The following ANKFY1 variants were observed in gnomAD, a reference collection of about 807,000 sequenced individuals.
The protein encoded by ANKFY1 is ankyrin repeat and FYVE domain containing 1, also known as ankyrin repeat and FYVE domain-containing protein 1.
Under a neutral mutation model 128.3 loss-of-function variants are expected in ANKFY1, and 47 were observed. The observed-to-expected ratio is 0.37, with a 90% CI of 0.29 to 0.47. The LOEUF is 0.47. ANKFY1 is among the 20% of genes least tolerant of loss of function. ANKFY1 has a pLI of 1.00. For synonymous variants in ANKFY1, 553 were observed against 601.6 expected (o/e 0.92, Z 1.18); for missense variants, 1,222 against 1,510.6 (o/e 0.81, Z 3.17).
chr17:4,245,820 G>T (rs146961646), intron 1 of ANKFY1, among the ~76,000 whole-genome samples: 1 of 151,308 alleles, frequency 6.6e-6, no homozygotes, highest in Non-Finnish European at 1.5e-5. Context: ...AGGCTGAGGC[G>T]GGCAGATCAT....
At position 4,163,888 on chromosome 17, in the gene ANKFY1, A is replaced by G. The variant is rs2059167362; in HGVS notation, c.*3891T>C. 2 of 152,658 alleles carry G rather than the reference A, an allele frequency of 1.3e-5. No individual in the cohort carries two copies. The highest frequency in any genetic ancestry group is 4.1e-4 in the South Asian group (2 of 4,832). The allele number at this position is 152,658 out of a possible 1,614,324, so 9.5% of individuals were successfully genotyped here. A position where few individuals can be genotyped will look rare whatever the true frequency, so the allele number is the denominator to read the frequency against. ...TAGAAGTAACTACAAATGTCTTATT[A>G]AAGTTTCCACTTTAAATGCACAATT... is the stretch of plus-strand genomic sequence containing the variant. On this transcript the variant is annotated 3_prime_UTR_variant, in exon 25 of 25. Transcript: ENST00000341657.
chr17:4,206,662 G>C (rs1259442396), intron 6 of ANKFY1, among the ~76,000 whole-genome samples, 176 bp from the exon 7 acceptor site: 1 of 152,138 alleles, frequency 6.6e-6, no homozygotes, highest in African/African-American at 2.4e-5. Context: ...GGCTTCCTCA[G>C]GGTACATGTT....
At position 4,202,350 on chromosome 17, in the gene ANKFY1, G is replaced by A. The variant is rs182405105; in HGVS notation, c.898+3971C>T. ...CGGGAGGCGGAGGTTGCAGTGAGCC[G>A]AGATTGCAGCACTGCACTGCAGCCT... On this transcript the variant is annotated intron_variant, in intron 7 of 24. Coordinates refer to ENST00000341657, the MANE Select transcript of ANKFY1 (RefSeq NM_001330063.2). Among the ~76,000 whole-genome samples, 276 of 146,110 alleles carry A rather than the reference G, an allele frequency of 1.9e-3. 3 individuals are homozygous for A. Among genetic ancestry groups the A allele is most frequent in the Non-Finnish European group, 1.3e-3 (85 of 67,086 alleles).
At chr17:4,223,346 C>T (rs1321758328) in intron 3 of ANKFY1, 1 of 1,569,350 alleles carries the variant, frequency 6.4e-7, no homozygotes, top group South Asian at 1.1e-5. Flanking sequence ...TCAACAAGAC[C>T]TGGTACACAT....
chr17:4,231,835 G>A (rs997066411), intron 3 of ANKFY1, among the ~76,000 whole-genome samples: 11 of 151,898 alleles, frequency 7.2e-5, no homozygotes, highest in African/African-American at 2.4e-4. Flanking sequence ...TACTCAGGAG[G>A]CTGAGGTGGG....
At position 4,231,972 on chromosome 17, in the gene ANKFY1, A is replaced by C. The variant is rs537959888; in HGVS notation, c.322+3800T>G. Among the ~76,000 whole-genome samples the C allele has an allele frequency of 5.0e-4, 76 of 152,162 alleles. 1 individual carries two copies. The highest frequency in any genetic ancestry group is 1.6e-3 in the African/African-American group (68 of 41,544). ...AAAAAGAAAGAAAGAAATATCAATT[A>C]GACAAGAACATCAAAAAGAAAAATG... On this transcript the variant is annotated intron_variant, in intron 3 of 24. Coordinates refer to ENST00000341657, the MANE Select transcript of ANKFY1 (RefSeq NM_001330063.2).
chr17:4,167,877 A>G lies in ANKFY1; in HGVS notation c.3412T>C (p.Ser1138Pro). Residue 1138 changes from serine (S) to proline (P), a missense_variant, in exon 25 of 25, where the codon TCG becomes CCG. Physicochemically the swap from Ser to Pro is moderately conservative, Grantham distance 74 (BLOSUM62 -1). Coordinates refer to ENST00000341657, the MANE Select transcript of ANKFY1 (RefSeq NM_001330063.2). The surrounding 1 kb of genome is among the most constrained non-coding windows in gnomAD (Gnocchi z 4.1). ...HCGRLLCHKC[S>P]TKEIPIIKFD... ...TTTATAATAGGAATCTCCTTGGTCGAGCATTTATGGCAAAGAAGACGTCCG... is the reference window on the plus strand; with the variant it reads ...TTTATAATAGGAATCTCCTTGGTCGGGCATTTATGGCAAAGAAGACGTCCG... 1 of 1,614,092 alleles carries G rather than the reference A, an allele frequency of 6.2e-7. No individual in the cohort carries two copies. The highest frequency in any genetic ancestry group is 8.5e-7 in the Non-Finnish European group (1 of 1,179,972).
intron 3 of ANKFY1, among the ~76,000 whole-genome samples, chr17:4,224,446 T>C (rs570469986): frequency 6.6e-6 from 1 of 152,014 alleles, no homozygotes; most frequent in African/African-American, 2.4e-5. Flanking sequence ...ATGGTGAAGT[T>C]TTTTTAATGT....
At chr17:4,216,225 C>G (rs2060218844) in intron 4 of ANKFY1, among the ~76,000 whole-genome samples, 2 of 152,150 alleles carry the variant, frequency 1.3e-5, no homozygotes, top group Admixed American at 1.3e-4. Context: ...TGGAGTGCCT[C>G]CTGATGACTG....
At chr17:4,222,439 T>C (rs929845517) in intron 3 of ANKFY1, 1 of 804,440 alleles carries the variant, frequency 1.2e-6, no homozygotes, top group Non-Finnish European at 2.3e-6. Context: ...CAAGGTTGAA[T>C]GTAAGCTGGG....
chr17:4,256,877 A>G (rs776877664), intron 1 of ANKFY1, among the ~76,000 whole-genome samples: 10 of 152,148 alleles, frequency 6.6e-5, no homozygotes, highest in Non-Finnish European at 1.2e-4. Context: ...TGACTTACAC[A>G]TCTTTCAAAA....
At chr17:4,179,528 C>T in intron 17 of ANKFY1, 193 bp downstream of exon 17, 1 of 681,920 alleles carries the variant, frequency 1.5e-6, no homozygotes, top group Non-Finnish European at 2.4e-6. Context: ...AACAAATCTT[C>T]CTCCTGTTGT....
rs1389152978 is a variant in ANKFY1, at chr17:4,188,082, A to G, written c.1470+1300T>C. ...AGAGACAGAGACACACGATGGCAAGAGCAGAGGCATGGAGAAGGTGAGAGG... is the reference window on the plus strand; with the variant it reads ...AGAGACAGAGACACACGATGGCAAGGGCAGAGGCATGGAGAAGGTGAGAGG... On this transcript the variant is annotated intron_variant, in intron 11 of 24. Coordinates refer to ENST00000341657, the MANE Select transcript of ANKFY1 (RefSeq NM_001330063.2). 2.0e-5 allele frequency: 3 copies of G among 152,588 alleles called. No homozygotes were observed. The East Asian group carries it at 5.8e-4, about 29-fold the overall frequency. 9.5% of individuals were successfully genotyped at this position (152,588 alleles called of 1,614,324 possible).
chr17:4,185,126 C>T, intron 11 of ANKFY1, 80 bp from the exon 12 acceptor site: 1 of 1,313,322 alleles, frequency 7.6e-7, no homozygotes, highest in South Asian at 1.3e-5. Flanking sequence ...AAGTGCAAAA[C>T]CTCGGGTCCT....
At chr17:4,190,017 G>A (rs1567926162) in intron 10 of ANKFY1, among the ~76,000 whole-genome samples, 2 of 152,180 alleles carry the variant, frequency 1.3e-5, no homozygotes. Flanking sequence ...GCTGAGGGTG[G>A]GTTAGAGCAA....
At chr17:4,230,166 T>C (rs2060491285) in intron 3 of ANKFY1, among the ~76,000 whole-genome samples, 1 of 152,146 alleles carries the variant, frequency 6.6e-6, no homozygotes, top group South Asian at 2.1e-4. Context: ...AGTACACAGT[T>C]TGGGAAACTA....
intron 1 of ANKFY1, among the ~76,000 whole-genome samples, chr17:4,256,797 T>G (rs1968155594): frequency 6.6e-6 from 1 of 152,186 alleles, no homozygotes; most frequent in South Asian, 2.1e-4. Flanking sequence ...GCACCTACCG[T>G]GAAATACGTT....
chr17:4,193,820 C>T lies in ANKFY1; in HGVS notation c.1372+1158G>A, dbSNP rs1022174813. Among the ~76,000 whole-genome samples the T allele has an allele frequency of 5.3e-5, 8 of 151,316 alleles. No homozygotes were observed. The South Asian group carries it at 8.4e-4, about 16-fold the overall frequency. On this transcript the variant is annotated intron_variant, in intron 10 of 24. Coordinates refer to ENST00000341657, the MANE Select transcript of ANKFY1 (RefSeq NM_001330063.2). ...TGTTGCCCAGGCTGGAGTGCAGTGA[C>T]GCGATCTTGGCTCACTGCAACCTCT... is the stretch of plus-strand genomic sequence containing the variant.
chr17:4,165,792 C>T lies in ANKFY1; in HGVS notation c.*1987G>A, dbSNP rs1011273932. ...TTGGTATGGTAGGGCATGGGCAGAA[C>T]AATCGGCCTCACCCTTGACTCATCT... On this transcript the variant is annotated 3_prime_UTR_variant, in exon 25 of 25. Transcript: ENST00000341657. The T allele has an allele frequency of 3.9e-5, 6 of 152,202 alleles. No homozygotes were observed. Among genetic ancestry groups the T allele is most frequent in the Non-Finnish European group, 5.9e-5 (4 of 68,032 alleles). 9.4% of individuals were successfully genotyped at this position (152,202 alleles called of 1,614,324 possible). A position where few individuals can be genotyped will look rare whatever the true frequency, so the allele number is the denominator to read the frequency against.
Sources: allele counts gnomAD v4.1 joint callset (sites outside exome capture counted in the v4.1 genomes callset), GRCh38; gene constraint gnomAD v4.1.1; non-coding constraint Gnocchi (gnomAD v3.1); transcripts MANE v1.5; gene names NCBI Gene and HGNC (gene_info 2026-07-23, HGNC 2026-07-21).